BMP2K: variants seen among roughly 807,000 people sequenced by gnomAD.
The protein encoded by BMP2K is BMP-2-inducible protein kinase.
BMP2K carries 74 observed loss-of-function variants against 116.0 expected under a neutral mutation model. The observed-to-expected ratio is 0.64, with a 90% CI of 0.53 to 0.77. The LOEUF is 0.77. Ranked by LOEUF, BMP2K falls within the 30% of genes least tolerant of loss-of-function variation. The pLI is 0.00. For synonymous variants in BMP2K, 486 were observed against 502.5 expected (o/e 0.97, Z 0.44); for missense variants, 1,365 against 1,403.6 (o/e 0.97, Z 0.44).
At chr4:78,780,037 A>G (rs774401696) in intron 1 of BMP2K, among the ~76,000 whole-genome samples, 1 of 152,212 alleles carries the variant, frequency 6.6e-6, no homozygotes, top group Non-Finnish European at 1.5e-5. Context: ...TCAGGCTCAT[A>G]TAATTAATTC....
Position 78,912,278 on chromosome 4 carries a change from A to G in BMP2K, c.*245A>G. On this transcript the variant is annotated 3_prime_UTR_variant, in exon 16 of 16. Coordinates refer to ENST00000502613, the MANE Select transcript of BMP2K (RefSeq NM_198892.2). ...ACTAAGGGTTTCTGCTACTGACATC[A>G]CAACACAGAAATGCAAGTGTGGTAC... The G allele has an allele frequency of 4.9e-6, 2 of 410,980 alleles. No homozygotes were observed. The highest frequency in any genetic ancestry group is 8.6e-6 in the Non-Finnish European group (2 of 231,416). 25.5% of individuals were successfully genotyped at this position (410,980 alleles called of 1,614,324 possible).
chr4:78,798,980 T>C (rs964797426), intron 1 of BMP2K, among the ~76,000 whole-genome samples: 1 of 152,224 alleles, frequency 6.6e-6, no homozygotes, highest in Non-Finnish European at 1.5e-5. Context: ...AATAACATTA[T>C]CAAATTATTT....
intron 8 of BMP2K, 106 bp downstream of exon 8, chr4:78,859,793 G>A: frequency 1.4e-6 from 1 of 737,288 alleles, no homozygotes; most frequent in Admixed American, 2.7e-5. Context: ...CTAAAACTCA[G>A]AGTTTCTTGT....
chr4:78,784,207 T>A (rs1727633587), intron 1 of BMP2K, among the ~76,000 whole-genome samples: 1 of 152,208 alleles, frequency 6.6e-6, no homozygotes, highest in South Asian at 2.1e-4. Context: ...TTCATATACA[T>A]CCAATAGAGC....
chr4:78,800,153 T>C (rs767441433), intron 1 of BMP2K, among the ~76,000 whole-genome samples: 1 of 152,192 alleles, frequency 6.6e-6, no homozygotes, highest in South Asian at 2.1e-4. Flanking sequence ...TGTATAAATA[T>C]GTATCTGTTT....
At chr4:78,793,868 T>TG (rs918578476) in intron 1 of BMP2K, among the ~76,000 whole-genome samples, 1 of 152,192 alleles carries the variant, frequency 6.6e-6, no homozygotes, top group Admixed American at 6.5e-5. Flanking sequence ...TTTTACAGTT[T>TG]TTTTTTTACC....
chr4:78,796,119 T>C (rs1429553113), intron 1 of BMP2K, among the ~76,000 whole-genome samples: 1 of 151,962 alleles, frequency 6.6e-6, no homozygotes, highest in East Asian at 1.9e-4. Context: ...GCATTCACAA[T>C]AGCAAAGACT....
chr4:78,907,032 G>T (rs12648450), intron 15 of BMP2K, among the ~76,000 whole-genome samples: 8,856 of 152,040 alleles, frequency 0.058, 363 homozygotes, highest in East Asian at 0.22. Context: ...TTTACTCCTT[G>T]AAGGAAAAAG....
intron 15 of BMP2K, among the ~76,000 whole-genome samples, chr4:78,899,655 ATTTT>A (rs538919816): frequency 1.4e-5 from 2 of 146,228 alleles, no homozygotes; most frequent in South Asian, 4.4e-4. Context: ...TGAAGAAAGA[ATTTT>A]TTTTTTTTTT....
chr4:78,826,863 A>G lies in BMP2K; in HGVS notation c.297+708A>G, dbSNP rs531858015. On this transcript the variant is annotated intron_variant, in intron 2 of 15. Coordinates refer to ENST00000502613, the MANE Select transcript of BMP2K (RefSeq NM_198892.2). ...TATATAGTAAACACCAAGCTTGTTC[A>G]TCATCCAGCTTAAGAAATTAAACCC... is the stretch of plus-strand genomic sequence containing the variant. Among the ~76,000 whole-genome samples the G allele has an allele frequency of 5.6e-4, 85 of 152,274 alleles. 2 individuals are homozygous for G. In the South Asian group the frequency reaches 0.017, roughly 31 times the overall value.
At chr4:78,847,666 T>G (rs1731074887) in intron 6 of BMP2K, among the ~76,000 whole-genome samples, 2 of 151,796 alleles carry the variant, frequency 1.3e-5, no homozygotes, top group African/African-American at 2.4e-5. Flanking sequence ...TGGAAATTGA[T>G]ATGAGTAAAT....
chr4:78,794,721 C>A (rs1008427607), intron 1 of BMP2K, among the ~76,000 whole-genome samples: 1 of 152,050 alleles, frequency 6.6e-6, no homozygotes, highest in African/African-American at 2.4e-5. Flanking sequence ...TGCCACTGCA[C>A]CTGGCTAATT....
At position 78,800,764 on chromosome 4, in the gene BMP2K, CATGTT is replaced by C. The variant is rs1438721852; in HGVS notation, c.178+24045_178+24049del. The stretch of plus-strand genomic sequence containing the variant: ...CATCTAAAAAATGGCAAACTCAACT[CATGTT>C]AATGGTTTTAGATTGAATTGCTTTG... On this transcript the variant is annotated intron_variant, in intron 1 of 15. Coordinates refer to ENST00000502613, the MANE Select transcript of BMP2K (RefSeq NM_198892.2). Among the ~76,000 whole-genome samples, 15 of 152,128 alleles carry C rather than the reference CATGTT, an allele frequency of 9.9e-5. No homozygotes were observed. In the East Asian group the frequency reaches 2.9e-3, roughly 29 times the overall value.
chr4:78,894,428 T>C (rs983013876), intron 15 of BMP2K, among the ~76,000 whole-genome samples: 1 of 152,214 alleles, frequency 6.6e-6, no homozygotes, highest in Non-Finnish European at 1.5e-5. Context: ...TACCTGTACT[T>C]ACATGTTCTG....
intron 3 of BMP2K, among the ~76,000 whole-genome samples, chr4:78,836,925 A>G (rs981019134): frequency 1.1e-4 from 17 of 152,050 alleles, no homozygotes; most frequent in African/African-American, 4.1e-4. Context: ...TTTATCTACA[A>G]CGTATTGAAA....
chr4:78,801,344 C>G (rs1025213768), intron 1 of BMP2K, among the ~76,000 whole-genome samples: 3 of 143,186 alleles, frequency 2.1e-5, no homozygotes, highest in Non-Finnish European at 4.6e-5. Context: ...GTTGAAGTAG[C>G]TGTGTGTGTG....
intron 14 of BMP2K, chr4:78,879,365 G>A (rs966824351): frequency 1.0e-6 from 1 of 986,198 alleles, no homozygotes; most frequent in Admixed American, 6.1e-5. Context: ...CTTTTAATGA[G>A]TGGTGACATA....
intron 2 of BMP2K, 131 bp downstream of exon 2, chr4:78,826,286 C>T (rs1238123578): frequency 1.7e-5 from 11 of 635,930 alleles, no homozygotes; most frequent in African/African-American, 3.7e-5. Context: ...GCTGCAACCT[C>T]CACCTCCCAG....
In BMP2K at chr4:78,911,118, A is replaced by G. The variant is rs2110110215; in HGVS notation, c.2571A>G (p.Val857=). The stretch of plus-strand genomic sequence containing the variant: ...AGACTCCCAAACAGGAGTTTGATGT[A>G]TTTGGCGCTGTCCCCTTCTTTGCAG... ...AVETPKQEFD[V]FGAVPFFAVR... Residue 857 remains valine (V), a synonymous_variant, in exon 16 of 16, where the codon GTA becomes GTG. Coordinates refer to ENST00000502613, the MANE Select transcript of BMP2K (RefSeq NM_198892.2). 1 of 1,613,960 alleles carries G rather than the reference A, an allele frequency of 6.2e-7. No individual in the cohort carries two copies. The highest frequency in any genetic ancestry group is 1.7e-4 in the Middle Eastern group (1 of 6,060).
Sources: gnomAD v4.1 joint callset for allele counts (sites outside exome capture counted in the v4.1 genomes callset) on GRCh38, gnomAD v4.1.1 for gene constraint, MANE v1.5 for transcripts, NCBI Gene and HGNC (gene_info 2026-07-23, HGNC 2026-07-21) for gene names.